SV2C: variants seen among roughly 807,000 people sequenced by gnomAD.
SV2C encodes solute carrier family 22 member B3.
A neutral mutation model predicts 79.7 loss-of-function variants in SV2C; 49 were observed. The ratio of observed to expected loss-of-function variants is 0.61; its 90% CI spans 0.49 to 0.78. SV2C has a LOEUF of 0.78. Ranked by LOEUF, SV2C falls within the 30% of genes least tolerant of loss-of-function variation. The pLI is 0.00. For synonymous variants in SV2C, 334 were observed against 333.2 expected, an observed-to-expected ratio of 1.00 and a Z score of -0.03; for missense variants, 833 against 912.9, an observed-to-expected ratio of 0.91 and a Z score of 1.13.
the SV2C span, among the ~76,000 whole-genome samples, chr5:76,042,135 C>T: frequency 1.3e-5 from 2 of 152,240 alleles, no homozygotes; most frequent in Non-Finnish European, 2.9e-5. Context: ...GTCTTCACTA[C>T]AAGTCAGTCC....
chr5:75,997,611 C>T, the SV2C span, among the ~76,000 whole-genome samples: 3 of 152,276 alleles, frequency 2.0e-5, no homozygotes, highest in East Asian at 5.8e-4. Context: ...CACTGGCCAT[C>T]AGAGAAATGC....
chr5:76,128,335 T>C (rs1007706021), intron 1 of SV2C, among the ~76,000 whole-genome samples: 17 of 152,212 alleles, frequency 1.1e-4, no homozygotes, highest in Admixed American at 3.3e-4. Context: ...TGATTAAAGG[T>C]CTCACAACAA....
In SV2C at chr5:76,130,145, TAAAAAAAAAAAAAAAAAA is replaced by T. The variant is rs375351450; in HGVS notation, c.-101-1487_-101-1470del. 8.8e-3 allele frequency among the ~76,000 whole-genome samples: 600 copies of T among 67,856 alleles called. 10 individuals are homozygous for T. The highest frequency in any genetic ancestry group is 0.032 in the African/African-American group (369 of 11,464). The allele number at this position is 67,856 out of a possible 152,430, so 44.5% of individuals were successfully genotyped here. ...CTCCCTTTCTCTTCCTCTCAGTTCT[TAAAAAAAAAAAAAAAAAA>T]AAAAAAAAAAAAAAAAAGAGCTGGG... On this transcript the variant is annotated intron_variant, in intron 1 of 12. Coordinates refer to ENST00000502798, the MANE Select transcript of SV2C (RefSeq NM_014979.4).
At chr5:75,995,481 C>G in the SV2C span, among the ~76,000 whole-genome samples, 1 of 152,020 alleles carries the variant, frequency 6.6e-6, no homozygotes. Flanking sequence ...TAAGATTTCC[C>G]TATGGAAATG....
chr5:76,063,429 G>A, the SV2C span, among the ~76,000 whole-genome samples: 1 of 152,148 alleles, frequency 6.6e-6, no homozygotes, highest in African/African-American at 2.4e-5. Flanking sequence ...CTATTTACTG[G>A]TAAAAGTGTC....
the SV2C span, among the ~76,000 whole-genome samples, chr5:75,971,322 C>G: frequency 6.6e-6 from 1 of 152,032 alleles, no homozygotes; most frequent in South Asian, 2.1e-4. Context: ...AAGTTCTGGC[C>G]AGGGCAATCA....
At chr5:76,280,168 A>G (rs963008703) in intron 4 of SV2C, among the ~76,000 whole-genome samples, 7 of 152,066 alleles carry the variant, frequency 4.6e-5, no homozygotes, top group African/African-American at 1.2e-4. Flanking sequence ...GATACTGGGG[A>G]AAAAAAGCAT....
At chr5:76,243,408 A>G (rs752111287) in intron 4 of SV2C, among the ~76,000 whole-genome samples, 8 of 152,164 alleles carry the variant, frequency 5.3e-5, no homozygotes, top group Non-Finnish European at 7.3e-5. Context: ...AGCTGAGTGC[A>G]GGACAGCAGC....
chr5:76,190,758 T>C (rs972325355), intron 2 of SV2C, among the ~76,000 whole-genome samples: 5 of 152,180 alleles, frequency 3.3e-5, no homozygotes, highest in Non-Finnish European at 2.9e-5. Context: ...CTACTTCTTA[T>C]GAAAGAAGTA....
the SV2C span, among the ~76,000 whole-genome samples, chr5:75,884,024 T>C: frequency 6.6e-6 from 1 of 152,106 alleles, no homozygotes; most frequent in South Asian, 2.1e-4. Flanking sequence ...CAAATTCTGA[T>C]TAATAAAAAT....
At chr5:76,243,144 C>A (rs1745844770) in intron 4 of SV2C, among the ~76,000 whole-genome samples, 1 of 151,554 alleles carries the variant, frequency 6.6e-6, no homozygotes, top group South Asian at 2.1e-4. Context: ...TGGTGAGGGG[C>A]AAGGCACCAT....
At chr5:76,139,850 G>GAATGTTTTT (rs1749194357) in intron 2 of SV2C, among the ~76,000 whole-genome samples, 1 of 68,726 alleles carries the variant, frequency 1.5e-5, no homozygotes, top group African/African-American at 3.8e-5. Context: ...AGAAGCTCTT[G>GAATGTTTTT]AAAGTATTTT....
chr5:75,999,013 A>G, the SV2C span, among the ~76,000 whole-genome samples: 2 of 152,180 alleles, frequency 1.3e-5, no homozygotes, highest in East Asian at 3.9e-4. Context: ...CAATCATGGC[A>G]GAAGGCAAGG....
At position 76,319,837 on chromosome 5, in the gene SV2C, T is replaced by C. The variant is rs115236000; in HGVS notation, c.2001-5527T>C. Among the ~76,000 whole-genome samples the C allele has an allele frequency of 8.2e-3, 1,242 of 152,296 alleles. 12 individuals are homozygous for C. Among genetic ancestry groups the C allele is most frequent in the African/African-American group, 0.024 (1,009 of 41,552 alleles). ...TATTTTAACCTAGATGCAAATCCTATCTGGGTTACTCTGCAGTTTCAGCAT... is the reference window on the plus strand; with the variant it reads ...TATTTTAACCTAGATGCAAATCCTACCTGGGTTACTCTGCAGTTTCAGCAT... On this transcript the variant is annotated intron_variant, in intron 12 of 12. Coordinates refer to ENST00000502798, the MANE Select transcript of SV2C (RefSeq NM_014979.4).
chr5:76,119,003 G>C (rs539692578), intron 1 of SV2C, among the ~76,000 whole-genome samples: 1 of 152,230 alleles, frequency 6.6e-6, no homozygotes, highest in African/African-American at 2.4e-5. Flanking sequence ...GAAAAGGAAA[G>C]ACATCAAAAC....
chr5:76,269,903 G>T (rs1251709802), intron 4 of SV2C, among the ~76,000 whole-genome samples: 2 of 152,126 alleles, frequency 1.3e-5, no homozygotes, highest in African/African-American at 4.8e-5. Flanking sequence ...CTAGAAAACC[G>T]TTCACTGGGA....
the SV2C span, among the ~76,000 whole-genome samples, chr5:75,861,194 A>T: frequency 6.6e-5 from 10 of 152,356 alleles, no homozygotes; most frequent in South Asian, 1.9e-3. Flanking sequence ...GACTTCTCAA[A>T]AGAAGACATA....
At position 76,135,216 on chromosome 5, in the gene SV2C, A is replaced by G. The variant is rs182301046; in HGVS notation, c.580+2886A>G. Among the ~76,000 whole-genome samples the G allele has an allele frequency of 1.2e-4, 19 of 152,310 alleles. No individual in the cohort carries two copies. The East Asian group carries it at 3.7e-3, about 29-fold the overall frequency. Reference sequence around the variant, plus strand: ...TTAAATTAGGTAAGGCAGAATATAGATTTTAGCAGGATGGAGAAAGATGAA... The same window carrying G: ...TTAAATTAGGTAAGGCAGAATATAGGTTTTAGCAGGATGGAGAAAGATGAA... On this transcript the variant is annotated intron_variant, in intron 2 of 12. Transcript: ENST00000502798.
intron 2 of SV2C, among the ~76,000 whole-genome samples, chr5:76,143,419 C>A (rs1197288384): frequency 6.6e-6 from 1 of 152,144 alleles, no homozygotes; most frequent in African/African-American, 2.4e-5. Flanking sequence ...ATTTCTCAAC[C>A]GGAGCCCTAG....
Sources: allele counts gnomAD v4.1 joint callset (sites outside exome capture counted in the v4.1 genomes callset), GRCh38; gene constraint gnomAD v4.1.1; transcripts MANE v1.5; gene names NCBI Gene and HGNC (gene_info 2026-07-23, HGNC 2026-07-21).